Variants in SYT5 observed in about 807,000 individuals in gnomAD.
SYT5 encodes the protein synaptotagmin-5.
A neutral mutation model predicts 36.0 loss-of-function variants in SYT5; 29 were observed. The ratio of observed to expected loss-of-function variants is 0.81; its 90% CI spans 0.60 to 1.10. The LOEUF is 1.10. Among genes scored for constraint, SYT5 ranks in the 50% least tolerant of loss-of-function variants. The probability of loss-of-function intolerance (pLI) is 0.00; values close to 1 mark genes in which losing one functional copy is unlikely to be tolerated. For synonymous variants in SYT5, 231 were observed against 227.6 expected, an observed-to-expected ratio of 1.02 and a Z score of -0.14; for missense variants, 512 against 516.0, an observed-to-expected ratio of 0.99 and a Z score of 0.08.
rs370963619 is a variant in SYT5, at chr19:55,171,440, C to T, written c.*2044G>A. 2.6e-5 allele frequency: 4 copies of T among 151,464 alleles called. No homozygotes were observed. The South Asian group carries it at 6.3e-4, about 24-fold the overall frequency. 9.4% of individuals were successfully genotyped at this position (151,464 alleles called of 1,614,324 possible). A position where few individuals can be genotyped will look rare whatever the true frequency, so the allele number is the denominator to read the frequency against. On this transcript the variant is annotated 3_prime_UTR_variant, in exon 9 of 9. Transcript: ENST00000354308. The stretch of plus-strand genomic sequence containing the variant: ...TGTAGCTGTTCTATTTTCACTTTCC[C>T]GATTGGCTACCAGGAAGCTTAGGAG...
chr19:55,178,095 T>C, intron 3 of SYT5, 101 bp downstream of exon 3: 1 of 1,356,782 alleles, frequency 7.4e-7, no homozygotes, highest in Non-Finnish European at 9.9e-7. Flanking sequence ...GTAAGGTGGG[T>C]TCCTATAGGA....
intron 3 of SYT5, among the ~76,000 whole-genome samples, chr19:55,176,574 G>A (rs891302199): frequency 2.0e-5 from 3 of 152,158 alleles, no homozygotes; most frequent in South Asian, 2.1e-4. Flanking sequence ...AAAGCAGAAG[G>A]TGTCTCCTTA....
Position 55,171,914 on chromosome 19 carries a change from T to C in SYT5, c.*1570A>G, listed in dbSNP as rs751934171. ...AGGTTGAGGCTGCAGTGAGCTATGA[T>C]TGCCCCACCGCACTCCAGCCAGGGT... On this transcript the variant is annotated 3_prime_UTR_variant, in exon 9 of 9. Coordinates refer to ENST00000354308, the MANE Select transcript of SYT5 (RefSeq NM_003180.3). 1 of 151,974 alleles carries C rather than the reference T, an allele frequency of 6.6e-6. No homozygotes were observed. Among genetic ancestry groups the C allele is most frequent in the Non-Finnish European group, 1.5e-5 (1 of 68,038 alleles). 9.4% of individuals were successfully genotyped at this position (151,974 alleles called of 1,614,324 possible).
Position 55,176,005 on chromosome 19 carries a change from C to G in SYT5, c.372G>C (p.Gln124His). 1 of 1,614,076 alleles carries G rather than the reference C, an allele frequency of 6.2e-7. No individual in the cohort carries two copies. Among genetic ancestry groups the G allele is most frequent in the Non-Finnish European group, 8.5e-7 (1 of 1,180,014 alleles). Residue 124 changes from glutamine (Q) to histidine (H), a missense_variant and splice_region_variant, in exon 4 of 9, where the codon CAG becomes CAC. Physicochemically the swap from Gln to His is conservative, Grantham distance 24 (BLOSUM62 0). Transcript: ENST00000354308. ...AAGCTTCCCCTTCCTCCACACCCAC[C>G]TGGCCACTCTGGAAGTCATAATCCA... ...YSLDYDFQSG[Q>H]LLVGILQAMG...
chr19:55,173,961 A>G lies in SYT5; in HGVS notation c.961-277T>C, dbSNP rs1599940572. ...GGGTGTGTTCGGCGCCTCCTGGGGG[A>G]GCAGCCTCCTAAGAGCCGCAAAGCT... On this transcript the variant is annotated intron_variant, in intron 8 of 8. Transcript: ENST00000354308. The surrounding 1 kb of genome is among the most constrained non-coding windows in gnomAD (Gnocchi z 5.4). 2 of 379,296 alleles carry G rather than the reference A, an allele frequency of 5.3e-6. No homozygotes were observed. Among genetic ancestry groups the G allele is most frequent in the African/African-American group, 2.1e-5 (1 of 48,084 alleles). The allele number at this position is 379,296 out of a possible 1,614,324, so 23.5% of individuals were successfully genotyped here.
rs1176712345 is a variant in SYT5 at position 55,175,218 on chromosome 19, C to A, written c.662G>T (p.Arg221Leu). The change falls in exon 6 of 9, where the codon CGG becomes CTG. Residue 221 changes from arginine (R) to leucine (L), a missense_variant. Coordinates refer to ENST00000354308, the MANE Select transcript of SYT5 (RefSeq NM_003180.3). This position sits in a 1 kb window ranked among gnomAD's most constrained non-coding sequence, Gnocchi z 4.5. ...CAGCTCCCGCCAGGCCTGCACTGGC[C>A]GCCCCAGGTCCACGGAGCTCATAGG... Reference protein sequence around the residue: ...RVPMSSVDLGRPVQAWRELQA... With the variant: ...RVPMSSVDLGLPVQAWRELQA... The A allele has an allele frequency of 1.9e-6, 3 of 1,610,792 alleles. No individual in the cohort carries two copies. Among genetic ancestry groups the A allele is most frequent in the East Asian group, 2.2e-5 (1 of 44,806 alleles).
intron 3 of SYT5, 68 bp from the exon 4 acceptor site, chr19:55,176,192 C>A (rs1012056844): frequency 6.2e-6 from 10 of 1,605,170 alleles, no homozygotes; most frequent in Non-Finnish European, 8.5e-6. Flanking sequence ...GGCTCAGAAG[C>A]CAAGGGAGGC....
At chr19:55,174,238 G>A (rs988474389) in intron 8 of SYT5, among the ~76,000 whole-genome samples, 6 of 151,246 alleles carry the variant, frequency 4.0e-5, no homozygotes, top group Non-Finnish European at 7.4e-5. Flanking sequence ...TTGGTGGGGC[G>A]GGGCATACTG....
At position 55,173,124 on chromosome 19, in the gene SYT5, C is replaced by A. The variant is rs2086022456; in HGVS notation, c.*360G>T. The A allele has an allele frequency of 4.4e-6, 1 of 225,478 alleles. No individual in the cohort carries two copies. The highest frequency in any genetic ancestry group is 8.7e-6 in the Non-Finnish European group (1 of 115,604). 14.0% of individuals were successfully genotyped at this position (225,478 alleles called of 1,614,324 possible). On this transcript the variant is annotated 3_prime_UTR_variant, in exon 9 of 9. Coordinates refer to ENST00000354308, the MANE Select transcript of SYT5 (RefSeq NM_003180.3). The surrounding 1 kb of genome is among the most constrained non-coding windows in gnomAD (Gnocchi z 5.4). ...CGGAGCTGCTGAATATTTATTTGGC[C>A]CCAGGAGCAGTGCAGGGATGGGCTG...
In SYT5 at chr19:55,175,353, A is replaced by G. The variant is rs1244013689; in HGVS notation, c.541-14T>C. ...CACGTAGGGGACCTGGAGTGCACAG[A>G]GAATCCGCAGTAGAGAGCAGGAAGT... is the stretch of plus-strand genomic sequence containing the variant. On this transcript the variant is annotated splice_polypyrimidine_tract_variant and intron_variant, in intron 5 of 8. Coordinates refer to ENST00000354308, the MANE Select transcript of SYT5 (RefSeq NM_003180.3). This position sits in a 1 kb window ranked among gnomAD's most constrained non-coding sequence, Gnocchi z 4.5. 6.6e-7 allele frequency: 1 copy of G among 1,519,376 alleles called. No homozygotes were observed. Among genetic ancestry groups the G allele is most frequent in the Non-Finnish European group, 8.8e-7 (1 of 1,137,952 alleles). 94.1% of individuals were successfully genotyped at this position (1,519,376 alleles called of 1,614,324 possible). A position where few individuals can be genotyped will look rare whatever the true frequency, so the allele number is the denominator to read the frequency against.
chr19:55,178,142 G>A, intron 3 of SYT5, 54 bp downstream of exon 3: 1 of 1,568,520 alleles, frequency 6.4e-7, no homozygotes, highest in Non-Finnish European at 8.6e-7. Flanking sequence ...CTGGGCCATT[G>A]AGAGGAGCAG....
chr19:55,178,205 G>A lies in SYT5; in HGVS notation c.243C>T (p.Tyr81=). ...CTGGGCTGGGCCACACCTTGTCTAT[G>A]TAACTCTGGCCCAGCCCCTTCACTT... is the stretch of plus-strand genomic sequence containing the variant. The part of the protein sequence containing the change: ...LQEVKGLGQS[Y]IDKVQPEVEE... The change falls in exon 3 of 9, where the codon TAC becomes TAT. Residue 81 remains tyrosine, a synonymous_variant. Coordinates refer to ENST00000354308, the MANE Select transcript of SYT5 (RefSeq NM_003180.3). The A allele has an allele frequency of 1.2e-6, 2 of 1,607,386 alleles. No individual in the cohort carries two copies. The highest frequency in any genetic ancestry group is 2.2e-5 in the South Asian group (2 of 89,928).
At position 55,175,402 on chromosome 19, in the gene SYT5, C is replaced by T. The variant is rs1248601247; in HGVS notation, c.541-63G>A. 2.0e-6 allele frequency: 3 copies of T among 1,463,770 alleles called. No homozygotes were observed. The highest frequency in any genetic ancestry group is 2.7e-6 in the Non-Finnish European group (3 of 1,107,166). The allele number at this position is 1,463,770 out of a possible 1,614,324, so 90.7% of individuals were successfully genotyped here. The stretch of plus-strand genomic sequence containing the variant: ...GTCAGAGATAGGGTGAGGCACAGCA[C>T]AACCAGAAGGAAGGCATGGAGTGAG... On this transcript the variant is annotated intron_variant, in intron 5 of 8. Coordinates refer to ENST00000354308, the MANE Select transcript of SYT5 (RefSeq NM_003180.3). The surrounding 1 kb of genome is among the most constrained non-coding windows in gnomAD (Gnocchi z 4.5).
chr19:55,175,985 T>G lies in SYT5; in HGVS notation c.372+20A>C, dbSNP rs774637376. On this transcript the variant is annotated intron_variant, in intron 4 of 8. Coordinates refer to ENST00000354308, the MANE Select transcript of SYT5 (RefSeq NM_003180.3). This position sits in a 1 kb window ranked among gnomAD's most constrained non-coding sequence, Gnocchi z 4.5. ...CCCCCGGGATCCTCCCTCCAAAGCT[T>G]CCCCTTCCTCCACACCCACCTGGCC... 19 of 1,613,694 alleles carry G rather than the reference T, an allele frequency of 1.2e-5. No homozygotes were observed. The highest frequency in any genetic ancestry group is 1.7e-5 in the Admixed American group (1 of 59,980).
Position 55,178,287 on chromosome 19 carries a change from C to T in SYT5, c.161G>A (p.Ser54Asn). Residue 54 changes from serine (S) to asparagine (N), a missense_variant, in exon 3 of 9, where the codon AGC becomes AAC. Physicochemically the swap from Ser to Asn is conservative, Grantham distance 46. Coordinates refer to ENST00000354308, the MANE Select transcript of SYT5 (RefSeq NM_003180.3). ...FSCCFCLYRK[S>N]CRRRTGKKSQ... is the part of the protein sequence containing the mutation. ...CTTCTTGCCTGTCCGCCTCCGACAGCTCTTCCGGTAGAGACAGAAACAGCA... is the reference window on the plus strand; with the variant it reads ...CTTCTTGCCTGTCCGCCTCCGACAGTTCTTCCGGTAGAGACAGAAACAGCA... The T allele has an allele frequency of 6.2e-7, 1 of 1,611,916 alleles. No homozygotes were observed. Among genetic ancestry groups the T allele is most frequent in the Non-Finnish European group, 8.5e-7 (1 of 1,179,278 alleles).
chr19:55,174,905 T>A lies in SYT5; in HGVS notation c.803A>T (p.Lys268Met). The A allele has an allele frequency of 6.2e-7, 1 of 1,614,106 alleles. No homozygotes were observed. The highest frequency in any genetic ancestry group is 1.7e-5 in the Admixed American group (1 of 60,006). The change falls in exon 7 of 9, where the codon AAG becomes ATG. Residue 268 changes from lysine to methionine, a missense_variant. Transcript: ENST00000354308. ...VIVLEAKNLK[K>M]MDVGGLSDPY... ...ACCTGACAGTCCTCCTACGTCCATC[T>A]TCTTCAGGTTTTTAGCCTCCAGGAC...
chr19:55,178,401 C>T (rs372094030), intron 2 of SYT5, 33 bp from the exon 3 acceptor site: 78 of 1,596,154 alleles, frequency 4.9e-5, no homozygotes, highest in Non-Finnish European at 6.5e-5. Context: ...CACATTGAGG[C>T]CTGGGCAGCA....
In SYT5 at chr19:55,175,070, C is replaced by G. The variant is rs539645286; in HGVS notation, c.709-71G>C. The G allele has an allele frequency of 9.8e-4, 1,562 of 1,598,128 alleles. No homozygotes were observed. The highest frequency in any genetic ancestry group is 2.5e-3 in the Admixed American group (149 of 59,500). Reference sequence around the variant, plus strand: ...TGCCTCCTCAGGGGTACAATCCACGCCGCCCTGAGGGTCTGGAAAGCCTAT... The same window carrying G: ...TGCCTCCTCAGGGGTACAATCCACGGCGCCCTGAGGGTCTGGAAAGCCTAT... On this transcript the variant is annotated intron_variant, in intron 6 of 8. Coordinates refer to ENST00000354308, the MANE Select transcript of SYT5 (RefSeq NM_003180.3). The surrounding 1 kb of genome is among the most constrained non-coding windows in gnomAD (Gnocchi z 4.5).
Position 55,178,967 on chromosome 19 carries a change from G to T in SYT5, c.75C>A (p.Gly25=). The change falls in exon 2 of 9, where the codon GGC becomes GGA. Residue 25 remains glycine (G), a synonymous_variant. Coordinates refer to ENST00000354308, the MANE Select transcript of SYT5 (RefSeq NM_003180.3). ...TPPDSSRISH[G]PVPPWALATI... is the part of the protein sequence containing the mutation. ...CCACCCCCGGGTCTTGCTCACCTGG[G>T]CCGTGGCTGATGCGACTGGAGTCGG... The T allele has an allele frequency of 6.4e-7, 1 of 1,559,290 alleles. No individual in the cohort carries two copies. The highest frequency in any genetic ancestry group is 8.7e-7 in the Non-Finnish European group (1 of 1,153,362).
Sources: gnomAD v4.1 joint callset for allele counts (sites outside exome capture counted in the v4.1 genomes callset) on GRCh38, gnomAD v4.1.1 for gene constraint, Gnocchi (gnomAD v3.1) non-coding constraint, MANE v1.5 for transcripts, NCBI Gene and HGNC (gene_info 2026-07-23, HGNC 2026-07-21) for gene names.